The following ASTN2 variants were observed in gnomAD, a reference collection of about 807,000 sequenced individuals.
ASTN2 encodes the protein astrotactin-2.
In ASTN2, 54 loss-of-function variants were observed where a neutral mutation model predicts 139.8. The ratio of observed to expected loss-of-function variants is 0.39; its 90% CI spans 0.31 to 0.48. The LOEUF (loss-of-function observed/expected upper bound fraction) is 0.48, where lower values mean the gene tolerates loss of function less well. Ranked by LOEUF, ASTN2 falls within the 20% of genes least tolerant of loss-of-function variation. The probability of loss-of-function intolerance (pLI) is 0.95; values close to 1 mark genes in which losing one functional copy is unlikely to be tolerated. For missense variants in ASTN2, 1,565 were observed against 1,725.1 expected, an observed-to-expected ratio of 0.91 and a Z score of 1.64; for synonymous variants, 756 against 719.5, an observed-to-expected ratio of 1.05 and a Z score of -0.81.
At chr9:117,287,700 C>G (rs2130777946) in intron 2 of ASTN2, among the ~76,000 whole-genome samples, 1 of 152,302 alleles carries the variant, frequency 6.6e-6, no homozygotes, top group South Asian at 2.1e-4. Context: ...GATTATTTCT[C>G]TAGATCAGGC....
At chr9:117,311,132 G>A (rs1827962134) in intron 1 of ASTN2, among the ~76,000 whole-genome samples, 1 of 150,930 alleles carries the variant, frequency 6.6e-6, no homozygotes, top group Non-Finnish European at 1.5e-5. Context: ...CTCAATTTAA[G>A]ACAGGGCTGC....
intron 20 of ASTN2, among the ~76,000 whole-genome samples, chr9:116,462,425 C>A (rs1444625730): frequency 6.6e-6 from 1 of 152,206 alleles, no homozygotes; most frequent in Non-Finnish European, 1.5e-5. Context: ...CATGCTACAT[C>A]TCAATTCTTT....
chr9:117,155,207 T>C (rs1830406375), intron 3 of ASTN2, among the ~76,000 whole-genome samples: 1 of 152,010 alleles, frequency 6.6e-6, no homozygotes, highest in African/African-American at 2.4e-5. Flanking sequence ...GTTTTGGCCC[T>C]GGTTAAAACT....
At chr9:116,992,758 C>T (rs1188845012) in intron 7 of ASTN2, among the ~76,000 whole-genome samples, 2 of 152,154 alleles carry the variant, frequency 1.3e-5, no homozygotes, top group African/African-American at 4.8e-5. Context: ...ACTCTGATGT[C>T]AAAGCATGAA....
At chr9:116,638,555 C>T (rs1031620923) in intron 17 of ASTN2, among the ~76,000 whole-genome samples, 13 of 151,666 alleles carry the variant, frequency 8.6e-5, no homozygotes, top group Admixed American at 3.3e-4. Context: ...ACCATCAAGC[C>T]CGATCAAGCC....
At chr9:117,120,018 G>GTGTGTACATATATATATATA (rs1306397698) in intron 4 of ASTN2, among the ~76,000 whole-genome samples, 21 of 45,998 alleles carry the variant, frequency 4.6e-4, no homozygotes, top group Middle Eastern at 0.019. Context: ...GTGTGTGTGT[G>GTGTGTACATATATATATATA]TATATATATA....
rs1836335683 is a variant in ASTN2, at chr9:116,976,146, C to G, written c.1719G>C (p.Val573=). 3.1e-6 allele frequency: 5 copies of G among 1,614,162 alleles called. No individual in the cohort carries two copies. Among genetic ancestry groups the G allele is most frequent in the Non-Finnish European group, 4.2e-6 (5 of 1,180,012 alleles). The change falls in exon 9 of 23, where the codon GTG becomes GTC. Residue 573 remains valine, a synonymous_variant. Transcript: ENST00000313400. ...TCTTTTCAGGGGCTTGCTCCCCTGT[C>G]ACCAGATCATAGCCCCTCTCAAGTG... The part of the protein sequence containing the change: ...YTTLERGYDL[V]TGEQAPEKIL...
chr9:116,584,570 C>T (rs567935257), intron 19 of ASTN2: 1 of 152,058 alleles, frequency 6.6e-6, no homozygotes, highest in Admixed American at 6.6e-5. Context: ...AGGGCATATA[C>T]CATAAAAAAA....
At chr9:116,824,132 A>C (rs1476763810) in intron 11 of ASTN2, among the ~76,000 whole-genome samples, 1 of 152,150 alleles carries the variant, frequency 6.6e-6, no homozygotes, top group East Asian at 1.9e-4. Flanking sequence ...ACTACTTCTT[A>C]TAAGTTGTAT....
At chr9:116,832,992 AACATTTGGT>A (rs1408522385) in intron 11 of ASTN2, among the ~76,000 whole-genome samples, 4 of 134,608 alleles carry the variant, frequency 3.0e-5, no homozygotes, top group African/African-American at 1.2e-4. Flanking sequence ...TTCTTCTTTA[AACATTTGGT>A]ATATTTCTCC....
chr9:116,858,566 C>A (rs549835639), intron 11 of ASTN2, among the ~76,000 whole-genome samples: 136 of 152,190 alleles, frequency 8.9e-4, no homozygotes, highest in Non-Finnish European at 1.6e-3. Context: ...TTTATACTGC[C>A]ACACAGAATA....
intron 3 of ASTN2, among the ~76,000 whole-genome samples, chr9:117,157,409 A>G (rs1187086495): frequency 6.6e-6 from 1 of 152,044 alleles, no homozygotes; most frequent in Non-Finnish European, 1.5e-5. Flanking sequence ...GCAAGGAATT[A>G]TACCAAGATG....
intron 6 of ASTN2, among the ~76,000 whole-genome samples, chr9:117,033,309 C>T (rs911908462): frequency 6.6e-6 from 1 of 152,062 alleles, no homozygotes; most frequent in African/African-American, 2.4e-5. Context: ...GAACTCATTA[C>T]CCTGCAATGA....
At chr9:116,743,988 G>GA (rs1359671583) in intron 13 of ASTN2, among the ~76,000 whole-genome samples, 1 of 152,206 alleles carries the variant, frequency 6.6e-6, no homozygotes, top group Admixed American at 6.5e-5. Context: ...AAAGTTCAGG[G>GA]ACAAAGGAAA....
At chr9:116,803,690 A>AT (rs1244581372) in intron 13 of ASTN2, among the ~76,000 whole-genome samples, 2 of 150,090 alleles carry the variant, frequency 1.3e-5, no homozygotes, top group Non-Finnish European at 3.0e-5. Context: ...ACGCCTGGCT[A>AT]TTTTTTTGTA....
At chr9:116,629,676 G>C (rs745150) in intron 17 of ASTN2, among the ~76,000 whole-genome samples, 2 of 152,044 alleles carry the variant, frequency 1.3e-5, no homozygotes, top group Admixed American at 1.3e-4. Flanking sequence ...ATAAATCACA[G>C]AAACGACACC....
chr9:116,629,263 G>A (rs913704244), intron 17 of ASTN2, among the ~76,000 whole-genome samples: 9 of 152,068 alleles, frequency 5.9e-5, no homozygotes, highest in African/African-American at 1.7e-4. Flanking sequence ...GACTCCAGGC[G>A]CCTGCCACCA....
chr9:116,935,758 G>A (rs1835049357), intron 10 of ASTN2, among the ~76,000 whole-genome samples: 1 of 152,124 alleles, frequency 6.6e-6, no homozygotes, highest in Non-Finnish European at 1.5e-5. Context: ...TTGGGGGTAT[G>A]TTTACATGCT....
intron 1 of ASTN2, among the ~76,000 whole-genome samples, chr9:117,299,737 G>T (rs1352188013): frequency 6.6e-6 from 1 of 152,174 alleles, no homozygotes; most frequent in African/African-American, 2.4e-5. Context: ...GAGCTCAGAG[G>T]TTAATAAAGC....
Sources: gnomAD v4.1 joint callset for allele counts (sites outside exome capture counted in the v4.1 genomes callset) on GRCh38, gnomAD v4.1.1 for gene constraint, MANE v1.5 for transcripts, NCBI Gene and HGNC (gene_info 2026-07-23, HGNC 2026-07-21) for gene names.